VPS26B: variants seen among roughly 807,000 people sequenced by gnomAD.
The protein encoded by VPS26B is VPS26 retromer complex component B.
A neutral mutation model predicts 33.3 loss-of-function variants in VPS26B; 10 were observed. The observed-to-expected ratio is 0.30, with a 90% confidence interval of 0.19 to 0.51. VPS26B has a LOEUF of 0.51. VPS26B is among the 20% of genes least tolerant of loss of function. The pLI, the probability that VPS26B is intolerant of heterozygous loss-of-function variation, is 0.98. For synonymous variants in VPS26B, 190 were observed against 176.9 expected (o/e 1.07, Z -0.59); for missense variants, 317 against 452.7 (o/e 0.70, Z 2.72).
Position 134,230,920 on chromosome 11 carries a change from G to A in VPS26B, c.224-3977G>A, listed in dbSNP as rs7121661. ...CTAACAATGCCAACACATGTGGTGA[G>A]GGCATCTCTTGGGTCAGGCCCATGG... On this transcript the variant is annotated intron_variant, in intron 1 of 5. Coordinates refer to ENST00000281187, the MANE Select transcript of VPS26B (RefSeq NM_052875.5). 9.9e-3 allele frequency among the ~76,000 whole-genome samples: 1,507 copies of A among 152,316 alleles called. 25 individuals carry two copies. The highest frequency in any genetic ancestry group is 0.035 in the African/African-American group (1,444 of 41,562).
At position 134,225,242 on chromosome 11, in the gene VPS26B, C is replaced by T. The variant is rs1450910112; in HGVS notation, c.120C>T (p.Phe40=). The change falls in exon 1 of 6, where the codon TTC becomes TTT. Residue 40 remains phenylalanine, a synonymous_variant. Transcript: ENST00000281187. ...GGAAGAAGGAGAAATATTTCCTCTT[C>T]TACGACGGGGAGACGGTCTCCGGGA... ...EDGKKEKYFL[F]YDGETVSGKV... 6.2e-7 allele frequency: 1 copy of T among 1,614,160 alleles called. No homozygotes were observed.
intron 1 of VPS26B, among the ~76,000 whole-genome samples, chr11:134,232,904 G>A (rs953337898): frequency 3.0e-4 from 45 of 152,148 alleles, no homozygotes; most frequent in Admixed American, 9.2e-4. Flanking sequence ...AGAGTAAGCC[G>A]AGGAGTCCCT....
At chr11:134,228,557 A>G (rs1938512213) in intron 1 of VPS26B, among the ~76,000 whole-genome samples, 1 of 152,020 alleles carries the variant, frequency 6.6e-6, no homozygotes, top group South Asian at 2.1e-4. Context: ...ATTCGATGTA[A>G]AAGGGAGTTT....
At chr11:134,225,613 G>C (rs1022338883) in intron 1 of VPS26B, among the ~76,000 whole-genome samples, 2 of 152,248 alleles carry the variant, frequency 1.3e-5, no homozygotes, top group Non-Finnish European at 2.9e-5. Flanking sequence ...TGGGCACCTT[G>C]CCTATGGGTT....
rs1317724622 is a variant in VPS26B, at chr11:134,225,270, G to C, written c.148G>C (p.Val50Leu). 2 of 1,614,128 alleles carry C rather than the reference G, an allele frequency of 1.2e-6. No individual in the cohort carries two copies. Among genetic ancestry groups the C allele is most frequent in the South Asian group, 2.2e-5 (2 of 91,086 alleles). Reference sequence around the variant, plus strand: ...CGACGGGGAGACGGTCTCCGGGAAGGTGAGCCTTGCCCTCAAGAACCCCAA... The same window carrying C: ...CGACGGGGAGACGGTCTCCGGGAAGCTGAGCCTTGCCCTCAAGAACCCCAA... ...FYDGETVSGK[V>L]SLALKNPNKR... Residue 50 changes from valine (V) to leucine (L), a missense_variant, in exon 1 of 6, where the codon GTG becomes CTG. By Grantham distance (32) the Val-to-Leu change is conservative. Transcript: ENST00000281187.
Position 134,244,836 on chromosome 11 carries a change from G to C in VPS26B, c.722-102G>C. 1 of 1,449,722 alleles carries C rather than the reference G, an allele frequency of 6.9e-7. No homozygotes were observed. The highest frequency in any genetic ancestry group is 9.2e-7 in the Non-Finnish European group (1 of 1,092,084). 89.8% of individuals were successfully genotyped at this position (1,449,722 alleles called of 1,614,324 possible). ...CTTCCCAGAAGGCTGAAGTGCTCGT[G>C]TGCTGCACTCCAGTGGCATCTCTGC... On this transcript the variant is annotated intron_variant, in intron 4 of 5. Transcript: ENST00000281187. This position sits in a 1 kb window ranked among gnomAD's most constrained non-coding sequence, Gnocchi z 4.0.
chr11:134,231,722 G>A (rs896571974), intron 1 of VPS26B, among the ~76,000 whole-genome samples: 36 of 152,144 alleles, frequency 2.4e-4, no homozygotes, highest in Non-Finnish European at 4.9e-4. Flanking sequence ...CCACCACCTC[G>A]TCTGGCTAAT....
Position 134,247,114 on chromosome 11 carries a change from G to A in VPS26B, c.*1524G>A, listed in dbSNP as rs1223644971. 1 of 152,210 alleles carries A rather than the reference G, an allele frequency of 6.6e-6. No homozygotes were observed. Among genetic ancestry groups the A allele is most frequent in the Non-Finnish European group, 1.5e-5 (1 of 68,098 alleles). The allele number at this position is 152,210 out of a possible 1,614,324, so 9.4% of individuals were successfully genotyped here. A position where few individuals can be genotyped will look rare whatever the true frequency, so the allele number is the denominator to read the frequency against. ...GATCAGAGCTGAGACTGGAGGGAGA[G>A]GCATTTTGGGTAGCCTAGGAGGGCG... On this transcript the variant is annotated 3_prime_UTR_variant, in exon 6 of 6. Coordinates refer to ENST00000281187, the MANE Select transcript of VPS26B (RefSeq NM_052875.5).
intron 3 of VPS26B, among the ~76,000 whole-genome samples, chr11:134,241,725 G>A (rs960364172): frequency 3.3e-5 from 5 of 152,198 alleles, no homozygotes; most frequent in Admixed American, 1.3e-4. Context: ...AGGCAGGGAC[G>A]GGACACTTTC....
Position 134,245,932 on chromosome 11 carries a change from A to G in VPS26B, c.*342A>G. On this transcript the variant is annotated 3_prime_UTR_variant, in exon 6 of 6. Coordinates refer to ENST00000281187, the MANE Select transcript of VPS26B (RefSeq NM_052875.5). The surrounding 1 kb of genome is among the most constrained non-coding windows in gnomAD (Gnocchi z 4.7). ...CGCATCCTTGGCTCCTGGCTCTCTG[A>G]GCTTCCTGATACAGGATCTGAGCAT... The G allele has an allele frequency of 3.8e-6, 1 of 259,932 alleles. No homozygotes were observed. Among genetic ancestry groups the G allele is most frequent in the East Asian group, 7.7e-5 (1 of 12,938 alleles). The allele number at this position is 259,932 out of a possible 1,614,324, so 16.1% of individuals were successfully genotyped here. A position where few individuals can be genotyped will look rare whatever the true frequency, so the allele number is the denominator to read the frequency against.
At chr11:134,234,752 A>T in intron 1 of VPS26B, 145 bp from the exon 2 acceptor site, 1 of 953,826 alleles carries the variant, frequency 1.0e-6, no homozygotes, top group South Asian at 1.9e-5. Flanking sequence ...GCAGAGGTCA[A>T]GAAAACAAGG....
intron 1 of VPS26B, among the ~76,000 whole-genome samples, chr11:134,227,840 A>G (rs141626095): frequency 1.0e-3 from 158 of 152,290 alleles, no homozygotes; most frequent in African/African-American, 3.5e-3. Context: ...AAATGTTTCC[A>G]TTTCACAAAT....
chr11:134,243,337 C>T (rs1938762566), intron 4 of VPS26B, 43 bp downstream of exon 4: 1 of 1,608,528 alleles, frequency 6.2e-7, no homozygotes, highest in Non-Finnish European at 8.5e-7. Flanking sequence ...AGCTTTTCTC[C>T]CATGTCCTGC....
chr11:134,225,621 G>A (rs902595621), intron 1 of VPS26B, among the ~76,000 whole-genome samples: 5 of 152,230 alleles, frequency 3.3e-5, no homozygotes, highest in Non-Finnish European at 7.3e-5. Flanking sequence ...TTGCCTATGG[G>A]TTCTCCCCAT....
chr11:134,239,915 G>A (rs1938690941), intron 2 of VPS26B, 76 bp from the exon 3 acceptor site: 1 of 1,567,978 alleles, frequency 6.4e-7, no homozygotes, highest in African/African-American at 1.3e-5. Context: ...CTCTCAAGTG[G>A]GCCAATTTGG....
chr11:134,233,520 G>A (rs570165131), intron 1 of VPS26B, among the ~76,000 whole-genome samples: 11 of 152,216 alleles, frequency 7.2e-5, no homozygotes, highest in Non-Finnish European at 1.2e-4. Context: ...TCAGGAGATC[G>A]AGACCATCCT....
intron 2 of VPS26B, among the ~76,000 whole-genome samples, chr11:134,237,652 G>C (rs1051970822): frequency 6.6e-6 from 1 of 152,188 alleles, no homozygotes; most frequent in Admixed American, 6.5e-5. Flanking sequence ...GAGGAGGAGA[G>C]GGGGGTGAAT....
At chr11:134,229,240 A>G (rs532430621) in intron 1 of VPS26B, among the ~76,000 whole-genome samples, 2 of 152,212 alleles carry the variant, frequency 1.3e-5, no homozygotes, top group South Asian at 4.1e-4. Context: ...TTTATTGCCC[A>G]GGCTGGTCTG....
chr11:134,236,388 C>T (rs1938632950), intron 2 of VPS26B: 1 of 151,946 alleles, frequency 6.6e-6, no homozygotes, highest in Non-Finnish European at 1.5e-5. Flanking sequence ...GGTGTTGAAA[C>T]CAGTATAGCA....
Sources: gnomAD v4.1 joint callset for allele counts (sites outside exome capture counted in the v4.1 genomes callset) on GRCh38, gnomAD v4.1.1 for gene constraint, Gnocchi (gnomAD v3.1) non-coding constraint, MANE v1.5 for transcripts, NCBI Gene and HGNC (gene_info 2026-07-23, HGNC 2026-07-21) for gene names.